MAP2K1: variants seen among roughly 807,000 people sequenced by gnomAD.
The protein encoded by MAP2K1 is dual specificity mitogen-activated protein kinase kinase 1.
In MAP2K1, 16 loss-of-function variants were observed where a neutral mutation model predicts 46.3. The observed-to-expected ratio is 0.35, with a 90% CI of 0.23 to 0.52. MAP2K1 has a LOEUF of 0.52. MAP2K1 is among the 20% of genes least tolerant of loss of function. The pLI, the probability that MAP2K1 is intolerant of heterozygous loss-of-function variation, is 0.94. For missense variants in MAP2K1, 263 were observed against 497.1 expected (o/e 0.53, Z 4.48); for synonymous variants, 183 against 185.6 (o/e 0.99, Z 0.11).
At chr15:66,409,990 A>G (rs2093407322) in intron 1 of MAP2K1, among the ~76,000 whole-genome samples, 1 of 152,186 alleles carries the variant, frequency 6.6e-6, no homozygotes, top group Non-Finnish European at 1.5e-5. Context: ...CCTTAAAATG[A>G]CAGAGGTGGA....
At chr15:66,387,746 C>A (rs1472201408) in intron 1 of MAP2K1, among the ~76,000 whole-genome samples, 1 of 152,202 alleles carries the variant, frequency 6.6e-6, no homozygotes, top group East Asian at 1.9e-4. Context: ...CAGTTCTGTT[C>A]TAAATGTGAT....
At chr15:66,406,658 T>C (rs1302189876) in intron 1 of MAP2K1, among the ~76,000 whole-genome samples, 2 of 152,006 alleles carry the variant, frequency 1.3e-5, no homozygotes, top group African/African-American at 4.8e-5. Context: ...TGGAGAGAAA[T>C]TGGAATGGTG....
At chr15:66,413,202 G>A (rs2093415865) in intron 1 of MAP2K1, among the ~76,000 whole-genome samples, 1 of 152,104 alleles carries the variant, frequency 6.6e-6, no homozygotes, top group South Asian at 2.1e-4. Flanking sequence ...GGCCCCTTGT[G>A]TCAATTTTTA....
intron 1 of MAP2K1, among the ~76,000 whole-genome samples, chr15:66,419,917 G>T (rs557523643): frequency 1.3e-5 from 2 of 152,156 alleles, no homozygotes; most frequent in Middle Eastern, 3.4e-3. Context: ...AAGTCTGTTG[G>T]CTTGGAAACT....
rs1256974149 is a variant in MAP2K1 at position 66,387,288 on chromosome 15, G to C, written c.-60G>C. 7.1e-6 allele frequency: 10 copies of C among 1,401,872 alleles called. No individual in the cohort carries two copies. The highest frequency in any genetic ancestry group is 5.7e-5 in the African/African-American group (4 of 69,828). The allele number at this position is 1,401,872 out of a possible 1,614,324, so 86.8% of individuals were successfully genotyped here. On this transcript the variant is annotated 5_prime_UTR_variant, in exon 1 of 11. Coordinates refer to ENST00000307102, the MANE Select transcript of MAP2K1 (RefSeq NM_002755.4). ...GCAGCGGGCGCGGGGCAGCGCAGCG[G>C]GAGGAAGCGAGAGGTGCTGCCCTCC...
At chr15:66,455,773 T>G (rs1242652532) in intron 5 of MAP2K1, among the ~76,000 whole-genome samples, 1 of 152,224 alleles carries the variant, frequency 6.6e-6, no homozygotes, top group Non-Finnish European at 1.5e-5. Flanking sequence ...GAGCAGGACT[T>G]CTTGGGCAGA....
intron 5 of MAP2K1, among the ~76,000 whole-genome samples, chr15:66,455,922 C>T (rs1892155470): frequency 6.6e-6 from 1 of 152,114 alleles, no homozygotes; most frequent in South Asian, 2.1e-4. Flanking sequence ...TGTGGTTTAG[C>T]CTGATGTATG....
chr15:66,415,849 G>A (rs1359606834), intron 1 of MAP2K1, among the ~76,000 whole-genome samples: 1 of 152,194 alleles, frequency 6.6e-6, no homozygotes, highest in African/African-American at 2.4e-5. Context: ...AGTGTTAAGA[G>A]TAGTTATCTG....
At chr15:66,470,123 G>A (rs1225200321) in intron 5 of MAP2K1, among the ~76,000 whole-genome samples, 1 of 72,160 alleles carries the variant, frequency 1.4e-5, no homozygotes, top group African/African-American at 5.7e-5. Flanking sequence ...TTTTTTGTGG[G>A]AATTTAGCCA....
At chr15:66,425,775 A>C (rs1252141945) in intron 1 of MAP2K1, among the ~76,000 whole-genome samples, 2 of 152,244 alleles carry the variant, frequency 1.3e-5, no homozygotes, top group African/African-American at 4.8e-5. Context: ...TTCATAGTGT[A>C]AACAGGTACT....
intron 5 of MAP2K1, among the ~76,000 whole-genome samples, chr15:66,447,489 G>A (rs1290023643): frequency 6.6e-6 from 1 of 151,802 alleles, no homozygotes; most frequent in African/African-American, 2.4e-5. Context: ...TCAGGAGTTT[G>A]AAACCAGACT....
chr15:66,409,682 G>A (rs2093406595), intron 1 of MAP2K1, among the ~76,000 whole-genome samples: 1 of 152,088 alleles, frequency 6.6e-6, no homozygotes, highest in Admixed American at 6.6e-5. Flanking sequence ...ACACTCTCTG[G>A]ATAAATCACA....
At chr15:66,411,629 A>G (rs994238496) in intron 1 of MAP2K1, among the ~76,000 whole-genome samples, 1 of 152,196 alleles carries the variant, frequency 6.6e-6, no homozygotes, top group Admixed American at 6.5e-5. Context: ...AAGATCCACT[A>G]GAGTGTTGTT....
chr15:66,453,073 C>T (rs565707447), intron 5 of MAP2K1, among the ~76,000 whole-genome samples: 1 of 152,214 alleles, frequency 6.6e-6, no homozygotes, highest in African/African-American at 2.4e-5. Context: ...ATGTCTCTTA[C>T]TCTTAACACA....
chr15:66,411,463 A>G (rs2093411139), intron 1 of MAP2K1, among the ~76,000 whole-genome samples: 1 of 152,210 alleles, frequency 6.6e-6, no homozygotes, highest in Non-Finnish European at 1.5e-5. Flanking sequence ...GGAGAAGTGA[A>G]GAGGAAGAGC....
At chr15:66,447,240 T>C (rs1032989558) in intron 5 of MAP2K1, among the ~76,000 whole-genome samples, 18 of 151,686 alleles carry the variant, frequency 1.2e-4, no homozygotes, top group Non-Finnish European at 1.9e-4. Context: ...CCCCCTTCTC[T>C]CCCCTAGTGT....
At chr15:66,470,128 T>C (rs1360558759) in intron 5 of MAP2K1, among the ~76,000 whole-genome samples, 1 of 127,790 alleles carries the variant, frequency 7.8e-6, no homozygotes, top group Non-Finnish European at 1.6e-5. Context: ...TGTGGGAATT[T>C]AGCCACTTCA....
chr15:66,464,506 A>G (rs1004624761), intron 5 of MAP2K1, among the ~76,000 whole-genome samples: 2 of 152,128 alleles, frequency 1.3e-5, no homozygotes, highest in Non-Finnish European at 2.9e-5. Flanking sequence ...AAAAAGGAAA[A>G]GAAATTGAAA....
At chr15:66,464,212 A>G (rs1892403650) in intron 5 of MAP2K1, among the ~76,000 whole-genome samples, 1 of 152,178 alleles carries the variant, frequency 6.6e-6, no homozygotes, top group African/African-American at 2.4e-5. Context: ...CTAGACAGGT[A>G]GGTAGGTCCC....
Sources: gnomAD v4.1 joint callset for allele counts (sites outside exome capture counted in the v4.1 genomes callset) on GRCh38, gnomAD v4.1.1 for gene constraint, MANE v1.5 for transcripts, NCBI Gene and HGNC (gene_info 2026-07-23, HGNC 2026-07-21) for gene names.